The following TAF1D variants were observed in gnomAD, a reference collection of about 807,000 sequenced individuals.
TAF1D encodes the protein TATA box-binding protein-associated factor RNA polymerase I subunit D.
Under a neutral mutation model 26.2 loss-of-function variants are expected in TAF1D, and 23 were observed. The ratio of observed to expected loss-of-function variants is 0.88; its 90% confidence interval spans 0.63 to 1.25. The LOEUF is 1.25. TAF1D is among the 50% of genes most tolerant of loss of function. The probability of loss-of-function intolerance (pLI) is 0.00; values close to 1 mark genes in which losing one functional copy is unlikely to be tolerated. For synonymous variants in TAF1D, 100 were observed against 105.6 expected (o/e 0.95, Z 0.33); for missense variants, 299 against 322.0 (o/e 0.93, Z 0.55).
chr11:93,740,510 G>A (rs1427139248), intron 1 of TAF1D, among the ~76,000 whole-genome samples: 1 of 138,688 alleles, frequency 7.2e-6, no homozygotes, highest in African/African-American at 2.7e-5. Context: ...TTTCATTATT[G>A]TACATGCCTT....
At chr11:93,735,145 G>T (rs1157523764), downstream of TAF1D, 2 of 1,351,080 alleles carry the variant, frequency 1.5e-6, no homozygotes, top group African/African-American at 1.5e-5. Flanking sequence ...AACTCATACT[G>T]AACAATGAGT....
intron 1 of TAF1D, among the ~76,000 whole-genome samples, chr11:93,740,432 GGAAA>G (rs1941694540): frequency 4.7e-5 from 2 of 42,992 alleles, no homozygotes; most frequent in African/African-American, 1.2e-4. Context: ...CCCTGTCTCA[GGAAA>G]AAAAAAAAAA....
At chr11:93,741,253 G>T in intron 1 of TAF1D, 69 bp downstream of exon 1, 1 of 451,130 alleles carries the variant, frequency 2.2e-6, no homozygotes, top group Non-Finnish European at 4.4e-6. Flanking sequence ...GGGGCCCCGG[G>T]AAACCCCAGA....
chr11:93,733,096 T>A (rs1263148106), downstream of TAF1D: 1 of 374,986 alleles, frequency 2.7e-6, no homozygotes, highest in South Asian at 2.0e-5. Context: ...CCTCTCAACA[T>A]GAATGAGTTC....
intron 3 of TAF1D, among the ~76,000 whole-genome samples, chr11:93,737,611 G>C (rs890918450): frequency 6.6e-6 from 1 of 152,128 alleles, no homozygotes; most frequent in African/African-American, 2.4e-5. Flanking sequence ...TCTGGCAAGG[G>C]ATCATAAATT....
At chr11:93,740,018 G>GAA (rs1328311537) in intron 1 of TAF1D, among the ~76,000 whole-genome samples, 13 of 113,122 alleles carry the variant, frequency 1.1e-4, no homozygotes, top group Admixed American at 1.1e-3. Flanking sequence ...AAAGAAAAAA[G>GAA]AAAAACAGGT....
At chr11:93,739,794 AATTCCTAGATTCTTC>A (rs1459003500) in intron 1 of TAF1D, among the ~76,000 whole-genome samples, 91 of 152,076 alleles carry the variant, frequency 6.0e-4, no homozygotes, top group African/African-American at 2.0e-3. Context: ...TCTCCATTAT[AATTCCTAGATTCTTC>A]ATTCCTAGAT....
downstream of TAF1D, chr11:93,732,665 A>C (rs1939457113): frequency 3.4e-6 from 1 of 294,200 alleles, no homozygotes; most frequent in African/African-American, 2.2e-5. Context: ...CTACAACTCT[A>C]GTCTTTGCCT....
chr11:93,732,567 C>A, downstream of TAF1D: 3 of 430,586 alleles, frequency 7.0e-6, no homozygotes, highest in South Asian at 3.5e-5. Context: ...TTTCACAAAC[C>A]TCTCAAATTC....
At chr11:93,737,273 T>C in intron 3 of TAF1D, 34 bp from the exon 4 acceptor site, 1 of 1,496,348 alleles carries the variant, frequency 6.7e-7, no homozygotes, top group African/African-American at 1.4e-5. Flanking sequence ...TATGTCGAGA[T>C]TTTATTTTTA....
Position 93,738,301 on chromosome 11 carries a change from C to A in TAF1D, c.267G>T (p.Lys89Asn). 1.2e-6 allele frequency: 2 copies of A among 1,608,168 alleles called. No homozygotes were observed. Among genetic ancestry groups the A allele is most frequent in the South Asian group, 2.2e-5 (2 of 89,454 alleles). Residue 89 changes from lysine (K) to asparagine (N), a missense_variant, in exon 3 of 6, where the codon AAG (lysine) becomes AAT (asparagine). Coordinates refer to ENST00000448108, the MANE Select transcript of TAF1D (RefSeq NM_024116.4). ...TCCTCTTTTTCTTTTTTTTATATCTCTTTTTCCTGTTCTTGAATCTTTCAA... is the reference window on the plus strand; with the variant it reads ...TCCTCTTTTTCTTTTTTTTATATCTATTTTTCCTGTTCTTGAATCTTTCAA... ...AIFERFKNRKKRYKKKKKRRY... is the reference protein window; with the variant it reads ...AIFERFKNRKNRYKKKKKRRY...
downstream of TAF1D, chr11:93,732,097 A>T: frequency 1.9e-6 from 1 of 519,066 alleles, no homozygotes; most frequent in Non-Finnish European, 3.8e-6. Context: ...ATTTTTGGAC[A>T]CCATGATCAA....
Position 93,736,764 on chromosome 11 carries a change from A to C in TAF1D, c.636-13T>G, listed in dbSNP as rs765629377. On this transcript the variant is annotated splice_polypyrimidine_tract_variant and intron_variant, in intron 4 of 5. Coordinates refer to ENST00000448108, the MANE Select transcript of TAF1D (RefSeq NM_024116.4). ...CTCATCCTCTGCTCTGTAATATTAAAATTTATCATCGAGATGACAGAATCT... is the reference window on the plus strand; with the variant it reads ...CTCATCCTCTGCTCTGTAATATTAACATTTATCATCGAGATGACAGAATCT... 1 of 1,603,808 alleles carries C rather than the reference A, an allele frequency of 6.2e-7. No individual in the cohort carries two copies. Among genetic ancestry groups the C allele is most frequent in the Non-Finnish European group, 8.5e-7 (1 of 1,176,732 alleles).
chr11:93,735,207 C>T (rs1482418559), downstream of TAF1D: 2 of 1,351,842 alleles, frequency 1.5e-6, no homozygotes, highest in South Asian at 1.1e-5. Context: ...AAGTCTTTGT[C>T]CACGTTAAAC....
chr11:93,732,285 T>G (rs1939280610), downstream of TAF1D: 2 of 495,022 alleles, frequency 4.0e-6, no homozygotes, highest in African/African-American at 3.9e-5. Flanking sequence ...GTTCTCAATT[T>G]GACACCCTGG....
At position 93,738,296 on chromosome 11, in the gene TAF1D, T is replaced by G. The variant is rs146131378; in HGVS notation, c.272A>C (p.Tyr91Ser). The G allele has an allele frequency of 4.4e-6, 7 of 1,607,878 alleles. No individual in the cohort carries two copies. The African/African-American group carries it at 8.1e-5, about 19-fold the overall frequency. The change falls in exon 3 of 6, where the codon TAT becomes TCT. Residue 91 changes from tyrosine to serine, a missense_variant. Coordinates refer to ENST00000448108, the MANE Select transcript of TAF1D (RefSeq NM_024116.4). ...FERFKNRKKR[Y>S]KKKKKRRYQP... The stretch of plus-strand genomic sequence containing the variant: ...GTACCTCCTCTTTTTCTTTTTTTTA[T>G]ATCTCTTTTTCCTGTTCTTGAATCT...
chr11:93,737,049 T>C lies in TAF1D; in HGVS notation c.635+15A>G. ...TATAACCTATTACCAAAGTATTTCATATGATTCCACTTACGTTGACTCCTC... is the reference window on the plus strand; with the variant it reads ...TATAACCTATTACCAAAGTATTTCACATGATTCCACTTACGTTGACTCCTC... On this transcript the variant is annotated intron_variant, in intron 4 of 5. Transcript: ENST00000448108. 1.3e-6 allele frequency: 2 copies of C among 1,562,578 alleles called. No homozygotes were observed. Among genetic ancestry groups the C allele is most frequent in the Non-Finnish European group, 1.7e-6 (2 of 1,158,492 alleles).
At chr11:93,732,401 C>A (rs1565237648), downstream of TAF1D, 1 of 518,950 alleles carries the variant, frequency 1.9e-6, no homozygotes, top group Non-Finnish European at 3.8e-6. Context: ...AAGCACAAAG[C>A]CAAGAAAACC....
downstream of TAF1D, chr11:93,731,640 T>C (rs72974686): frequency 0.027 from 13,423 of 497,350 alleles, 239 homozygotes; most frequent in Non-Finnish European, 0.039. Flanking sequence ...TAAGTGGTGA[T>C]AGATGTTGCA....
Sources: gnomAD v4.1 joint callset for allele counts (sites outside exome capture counted in the v4.1 genomes callset) on GRCh38, gnomAD v4.1.1 for gene constraint, MANE v1.5 for transcripts, NCBI Gene and HGNC (gene_info 2026-07-23, HGNC 2026-07-21) for gene names.